The following CMSS1 variants were observed in gnomAD, a reference collection of about 807,000 sequenced individuals.
CMSS1 encodes the protein protein CMSS1.
CMSS1 carries 33 observed loss-of-function variants against 43.5 expected under a neutral mutation model. That is an observed-to-expected ratio of 0.76 (90% CI 0.57 to 1.01). The LOEUF (loss-of-function observed/expected upper bound fraction) is 1.01, where lower values mean the gene tolerates loss of function less well. Ranked by LOEUF, CMSS1 falls within the 50% of genes least tolerant of loss-of-function variation. The pLI is 0.00. For synonymous variants in CMSS1, 115 were observed against 117.2 expected, an observed-to-expected ratio of 0.98 and a Z score of 0.12; for missense variants, 313 against 326.4, an observed-to-expected ratio of 0.96 and a Z score of 0.32.
intron 1 of CMSS1, among the ~76,000 whole-genome samples, chr3:100,075,197 C>G (rs1206483262): frequency 6.6e-6 from 1 of 152,168 alleles, no homozygotes; most frequent in Non-Finnish European, 1.5e-5. Context: ...ACCTGAAACA[C>G]TTCCTGGTCA....
intron 1 of CMSS1, among the ~76,000 whole-genome samples, chr3:99,961,996 A>G (rs1708506871): frequency 6.6e-6 from 1 of 152,134 alleles, no homozygotes; most frequent in African/African-American, 2.4e-5. Flanking sequence ...GGGGCCCCAA[A>G]TTTAGCCTTG....
At chr3:100,036,865 G>T (rs755827747) in intron 1 of CMSS1, among the ~76,000 whole-genome samples, 5 of 152,168 alleles carry the variant, frequency 3.3e-5, no homozygotes, top group Non-Finnish European at 7.3e-5. Context: ...ATATTACGCA[G>T]TGAGAAAGAT....
chr3:99,998,757 G>T (rs926125356), intron 1 of CMSS1, among the ~76,000 whole-genome samples: 1 of 152,154 alleles, frequency 6.6e-6, no homozygotes, highest in African/African-American at 2.4e-5. Context: ...TTTTAGTAGA[G>T]ACCGGGTTTC....
intron 1 of CMSS1, among the ~76,000 whole-genome samples, chr3:99,843,520 A>G (rs1943223626): frequency 6.6e-6 from 1 of 152,212 alleles, no homozygotes; most frequent in South Asian, 2.1e-4. Flanking sequence ...GTGCTTGTCA[A>G]TACAGATGCT....
intron 1 of CMSS1, among the ~76,000 whole-genome samples, chr3:100,117,730 A>C (rs896527276): frequency 6.7e-6 from 1 of 150,194 alleles, no homozygotes; most frequent in Admixed American, 6.6e-5. Context: ...ACTTTGGATA[A>C]ATTGGGTAAA....
At chr3:99,999,016 G>A (rs73859915) in intron 1 of CMSS1, among the ~76,000 whole-genome samples, 2,251 of 152,248 alleles carry the variant, frequency 0.015, 56 homozygotes, top group African/African-American at 0.052. Context: ...TAGCTTTGAC[G>A]TTGCTACTCT....
chr3:100,142,995 A>G (rs1458277437), intron 1 of CMSS1, among the ~76,000 whole-genome samples: 3 of 152,188 alleles, frequency 2.0e-5, no homozygotes, highest in East Asian at 1.9e-4. Flanking sequence ...TTATGTGCCA[A>G]TTTACAAGGT....
chr3:100,158,411 G>A (rs1345292675), intron 2 of CMSS1, among the ~76,000 whole-genome samples: 1 of 152,128 alleles, frequency 6.6e-6, no homozygotes, highest in Non-Finnish European at 1.5e-5. Context: ...TGGCTTGGCC[G>A]GATTCTTTCA....
chr3:100,032,895 TC>T (rs1277789405), intron 1 of CMSS1, among the ~76,000 whole-genome samples: 1 of 152,124 alleles, frequency 6.6e-6, no homozygotes, highest in African/African-American at 2.4e-5. Flanking sequence ...TTACATTTAT[TC>T]CCTGCAACAA....
At chr3:100,159,917 G>GT (rs2107525595) in intron 2 of CMSS1, 1 of 456,436 alleles carries the variant, frequency 2.2e-6, no homozygotes, top group East Asian at 6.9e-5. Context: ...TTATAAAAAC[G>GT]TAAGTTAATA....
rs531434028 is a variant in CMSS1, at chr3:100,176,060, C to G, written c.668-267C>G. ...CTCTGGGGCTTCATGAAATGGATGCCTGGCCAGCGTGTGAGCATTTGAGGA... is the reference window on the plus strand; with the variant it reads ...CTCTGGGGCTTCATGAAATGGATGCGTGGCCAGCGTGTGAGCATTTGAGGA... On this transcript the variant is annotated intron_variant, in intron 8 of 9. Transcript: ENST00000421999. Among the ~76,000 whole-genome samples the G allele has an allele frequency of 2.6e-5, 4 of 152,292 alleles. No individual in the cohort carries two copies. The South Asian group carries it at 8.3e-4, about 32-fold the overall frequency.
chr3:99,943,220 A>G (rs900792379), intron 1 of CMSS1, among the ~76,000 whole-genome samples: 6 of 152,198 alleles, frequency 3.9e-5, no homozygotes, highest in African/African-American at 1.4e-4. Context: ...AAAAGAACCA[A>G]TTATGACATT....
intron 1 of CMSS1, among the ~76,000 whole-genome samples, chr3:99,990,740 A>G (rs1003237639): frequency 1.5e-4 from 23 of 152,128 alleles, no homozygotes; most frequent in African/African-American, 5.6e-4. Flanking sequence ...CCACGGGAGG[A>G]AAAAAAGAAA....
At chr3:99,993,646 G>A (rs1709588775) in intron 1 of CMSS1, among the ~76,000 whole-genome samples, 1 of 152,046 alleles carries the variant, frequency 6.6e-6, no homozygotes, top group African/African-American at 2.4e-5. Flanking sequence ...GTTAATGTGT[G>A]TTCCTTCTAT....
At chr3:99,961,283 G>T (rs1391245591) in intron 1 of CMSS1, among the ~76,000 whole-genome samples, 2 of 152,092 alleles carry the variant, frequency 1.3e-5, no homozygotes, top group Non-Finnish European at 2.9e-5. Context: ...TTGTGGGTTG[G>T]ATTATTTTGT....
intron 1 of CMSS1, among the ~76,000 whole-genome samples, chr3:100,074,381 CCTTGTATTAA>C (rs1315341388): frequency 2.0e-5 from 3 of 152,078 alleles, no homozygotes; most frequent in Admixed American, 2.0e-4. Context: ...GGCTTTCTTC[CCTTGTATTAA>C]CTTGTTCTTT....
At chr3:100,114,920 G>C in intron 1 of CMSS1, 3 of 1,526,270 alleles carry the variant, frequency 2.0e-6, no homozygotes, top group Non-Finnish European at 2.6e-6. Flanking sequence ...TTGAATGCCT[G>C]CCTGTTCCAT....
intron 1 of CMSS1, among the ~76,000 whole-genome samples, chr3:99,872,847 T>C (rs539008011): frequency 6.6e-6 from 1 of 152,104 alleles, no homozygotes; most frequent in African/African-American, 2.4e-5. Flanking sequence ...AGCCTTCCCA[T>C]TTTTGTTTGC....
chr3:99,897,169 G>A (rs1207337015), intron 1 of CMSS1, among the ~76,000 whole-genome samples: 1 of 152,094 alleles, frequency 6.6e-6, no homozygotes, highest in Non-Finnish European at 1.5e-5. Context: ...GACCAGCCTA[G>A]CCAACATAGT....
Sources: gnomAD v4.1 joint callset for allele counts (sites outside exome capture counted in the v4.1 genomes callset) on GRCh38, gnomAD v4.1.1 for gene constraint, MANE v1.5 for transcripts, NCBI Gene and HGNC (gene_info 2026-07-23, HGNC 2026-07-21) for gene names.